OR51B5: variants seen among roughly 807,000 people sequenced by gnomAD.
OR51B5 encodes olfactory receptor family 51 subfamily B member 5.
For synonymous variants in OR51B5, 186 were observed against 144.8 expected, an observed-to-expected ratio of 1.28 and a Z score of -2.04; for missense variants, 456 against 374.6, an observed-to-expected ratio of 1.22 and a Z score of -1.79.
intron 1 of OR51B5, among the ~76,000 whole-genome samples, chr11:5,491,669 A>G (rs1409731059): frequency 1.3e-5 from 2 of 152,224 alleles, no homozygotes; most frequent in Non-Finnish European, 2.9e-5. Flanking sequence ...TGATGGATCA[A>G]TCTCAATCAA....
At chr11:5,505,271 A>G in intron 1 of OR51B5, 4 of 1,282,178 alleles carry the variant, frequency 3.1e-6, no homozygotes, top group Non-Finnish European at 4.1e-6. Flanking sequence ...TTTTCCTCAG[A>G]CCTATCTGGA....
At chr11:5,417,200 G>C (rs545577144) in intron 1 of OR51B5, among the ~76,000 whole-genome samples, 1 of 151,580 alleles carries the variant, frequency 6.6e-6, no homozygotes, top group East Asian at 1.9e-4. Flanking sequence ...TTAATAAATG[G>C]TGCTGGGAAA....
intron 1 of OR51B5, among the ~76,000 whole-genome samples, chr11:5,378,404 A>T (rs1372467668): frequency 1.3e-5 from 2 of 152,288 alleles, no homozygotes; most frequent in Admixed American, 1.3e-4. Flanking sequence ...GGCATGGGCA[A>T]GGACTTCATG....
At chr11:5,429,729 C>T (rs181523934) in intron 1 of OR51B5, among the ~76,000 whole-genome samples, 17 of 152,022 alleles carry the variant, frequency 1.1e-4, no homozygotes, top group African/African-American at 4.1e-4. Context: ...CACGGTAAAG[C>T]CACAGAAGCA....
rs1327276767 is a variant in OR51B5, at chr11:5,480,994, C to T, written n.84+24575G>A. ...ATCAATAGAAAAAGAGGGAATCCTC[C>T]CTAACTCATTTTATGAGGCCAGCAT... On this transcript the variant is annotated intron_variant and non_coding_transcript_variant, in intron 1 of 4. Coordinates refer to the OR51B5 transcript ENST00000415970. Among the ~76,000 whole-genome samples, 21 of 31,970 alleles carry T rather than the reference C, an allele frequency of 6.6e-4. 2 individuals are homozygous for T. The highest frequency in any genetic ancestry group is 1.3e-3 in the African/African-American group (20 of 14,976). 21.0% of individuals were successfully genotyped at this position (31,970 alleles called of 152,430 possible). A position where few individuals can be genotyped will look rare whatever the true frequency, so the allele number is the denominator to read the frequency against.
intron 1 of OR51B5, among the ~76,000 whole-genome samples, chr11:5,383,070 T>A (rs1408545388): frequency 6.6e-6 from 1 of 151,812 alleles, no homozygotes; most frequent in South Asian, 2.1e-4. Flanking sequence ...TGTAGCATAG[T>A]CTGGGGAAGA....
At chr11:5,367,875 G>A (rs531708520) in intron 1 of OR51B5, among the ~76,000 whole-genome samples, 1 of 152,064 alleles carries the variant, frequency 6.6e-6, no homozygotes, top group African/African-American at 2.4e-5. Flanking sequence ...TGTGCTTTCT[G>A]CCTATATCTA....
intron 1 of OR51B5, chr11:5,441,427 C>T (rs1198746419): frequency 2.5e-6 from 4 of 1,613,786 alleles, no homozygotes; most frequent in Admixed American, 1.7e-5. Context: ...AAAATCAGGG[C>T]AACCCAGGTG....
At chr11:5,383,321 G>C (rs1034312037) in intron 1 of OR51B5, among the ~76,000 whole-genome samples, 2 of 152,064 alleles carry the variant, frequency 1.3e-5, no homozygotes, top group African/African-American at 4.8e-5. Context: ...CAGAGATGGA[G>C]GGCAATTTAA....
chr11:5,389,644 C>T (rs1849760082), intron 1 of OR51B5: 1 of 1,613,672 alleles, frequency 6.2e-7, no homozygotes, highest in Non-Finnish European at 8.5e-7. Context: ...CCCTCACTGA[C>T]CTGGGGCTGT....
At chr11:5,442,443 C>T (rs186744531) in intron 1 of OR51B5, among the ~76,000 whole-genome samples, 141 of 152,216 alleles carry the variant, frequency 9.3e-4, no homozygotes, top group African/African-American at 3.3e-3. Flanking sequence ...CCTTCAGAGC[C>T]TTTTTCACTA....
rs560268220 is a variant in OR51B5, at chr11:5,488,979, T to C, written n.84+16590A>G. The stretch of plus-strand genomic sequence containing the variant: ...AGATGCTGGCCATTTTGTGGCTCCA[T>C]GCTGGTGAGATTTCCTTTGGTGGAT... On this transcript the variant is annotated intron_variant and non_coding_transcript_variant, in intron 1 of 4. Coordinates refer to the OR51B5 transcript ENST00000415970. The C allele has an allele frequency of 1.5e-4, 250 of 1,614,120 alleles. 1 individual carries two copies. In the South Asian group the frequency reaches 2.3e-3, roughly 15 times the overall value.
upstream of OR51B5, among the ~76,000 whole-genome samples, chr11:5,345,609 T>C (rs576947694): frequency 3.3e-5 from 5 of 152,322 alleles, no homozygotes; most frequent in Admixed American, 3.3e-4. Flanking sequence ...TTAGAGCAAA[T>C]GCATCCCTTG....
chr11:5,372,982 C>A (rs1473403062), intron 1 of OR51B5, among the ~76,000 whole-genome samples: 7 of 152,056 alleles, frequency 4.6e-5, no homozygotes, highest in Non-Finnish European at 1.0e-4. Flanking sequence ...ACACATAGAC[C>A]AAATTGAACA....
rs1431035762 is a variant in OR51B5, at chr11:5,372,355, A to C, written n.85-25445T>G. Among the ~76,000 whole-genome samples the C allele has an allele frequency of 2.0e-5, 3 of 152,148 alleles. No homozygotes were observed. In the East Asian group the frequency reaches 5.8e-4, roughly 29 times the overall value. On this transcript the variant is annotated intron_variant and non_coding_transcript_variant, in intron 1 of 4. Transcript: ENST00000415970. ...TTTGAGAAACTTCCATACGTTTTCTATAATGGCTATGTTAACTTACATTCC... is the reference window on the plus strand; with the variant it reads ...TTTGAGAAACTTCCATACGTTTTCTCTAATGGCTATGTTAACTTACATTCC...
At chr11:5,350,650 G>A (rs1849065695) in intron 1 of OR51B5, among the ~76,000 whole-genome samples, 1 of 152,118 alleles carries the variant, frequency 6.6e-6, no homozygotes, top group Admixed American at 6.6e-5. Flanking sequence ...GCATCACCAA[G>A]TAGGTGATAT....
At position 5,501,238 on chromosome 11, in the gene OR51B5, A is replaced by G. The variant is rs16926557; in HGVS notation, n.84+4331T>C. On this transcript the variant is annotated intron_variant and non_coding_transcript_variant, in intron 1 of 4. Coordinates refer to the OR51B5 transcript ENST00000415970. ...GGGAGAAAATGACTTCTGGGTGGCTATACTAACCTATGCCTGGGCTACAAT... is the reference window on the plus strand; with the variant it reads ...GGGAGAAAATGACTTCTGGGTGGCTGTACTAACCTATGCCTGGGCTACAAT... 6.3e-3 allele frequency among the ~76,000 whole-genome samples: 938 copies of G among 147,744 alleles called. 31 individuals are homozygous for G. Among genetic ancestry groups the G allele is most frequent in the African/African-American group, 0.021 (873 of 41,248 alleles).
At chr11:5,400,633 A>T (rs777224306) in intron 1 of OR51B5, among the ~76,000 whole-genome samples, 1 of 152,226 alleles carries the variant, frequency 6.6e-6, no homozygotes, top group African/African-American at 2.4e-5. Flanking sequence ...AGTACTTAAT[A>T]TAATTGCAAC....
At chr11:5,458,819 G>A (rs906325000) in intron 1 of OR51B5, among the ~76,000 whole-genome samples, 10 of 152,132 alleles carry the variant, frequency 6.6e-5, no homozygotes, top group East Asian at 1.9e-4. Context: ...TTAAATTTTC[G>A]CTGAAATTGT....
Sources: allele counts gnomAD v4.1 joint callset (sites outside exome capture counted in the v4.1 genomes callset), GRCh38; gene constraint gnomAD v4.1.1; transcripts MANE v1.5; gene names NCBI Gene and HGNC (gene_info 2026-07-23, HGNC 2026-07-21).